CCT6B: variants seen among roughly 807,000 people sequenced by gnomAD.
CCT6B encodes the protein probable T-complex protein 1 subunit zeta-2.
CCT6B carries 49 observed loss-of-function variants against 61.5 expected under a neutral mutation model. The observed-to-expected ratio is 0.80, with a 90% CI of 0.63 to 1.01. The LOEUF (loss-of-function observed/expected upper bound fraction) is 1.01. Ranked by LOEUF, CCT6B falls within the 50% of genes least tolerant of loss-of-function variation. CCT6B has a pLI of 0.00. For synonymous variants in CCT6B, 228 were observed against 214.5 expected (o/e 1.06, Z -0.55); for missense variants, 666 against 634.7 (o/e 1.05, Z -0.53).
chr17:34,953,390 G>A (rs1462866459), intron 4 of CCT6B, among the ~76,000 whole-genome samples: 4 of 149,960 alleles, frequency 2.7e-5, no homozygotes, highest in African/African-American at 9.8e-5. Context: ...GAGTGCAATG[G>A]CATGATGTCA....
chr17:34,928,580 AC>A (rs1244492704), intron 13 of CCT6B, among the ~76,000 whole-genome samples: 1 of 152,074 alleles, frequency 6.6e-6, no homozygotes, highest in African/African-American at 2.4e-5. Flanking sequence ...CCCAAATGTC[AC>A]CCTTTGTATT....
At chr17:34,955,790 C>A (rs1385971520) in intron 3 of CCT6B, among the ~76,000 whole-genome samples, 1 of 152,118 alleles carries the variant, frequency 6.6e-6, no homozygotes, top group Non-Finnish European at 1.5e-5. Flanking sequence ...CTAGCCACAT[C>A]ATGAAGTGGG....
At chr17:34,932,553 G>C (rs2090048630) in intron 10 of CCT6B, 53 bp from the exon 11 acceptor site, 4 of 1,515,072 alleles carry the variant, frequency 2.6e-6, no homozygotes, top group Non-Finnish European at 3.6e-6. Flanking sequence ...GACCAAAAGA[G>C]AGAGAGAGAC....
At chr17:34,939,495 A>C in intron 9 of CCT6B, 122 bp downstream of exon 9, 1 of 838,522 alleles carries the variant, frequency 1.2e-6, no homozygotes, top group South Asian at 1.8e-5. Flanking sequence ...ATAAACTGTA[A>C]AATCTGTTCT....
At chr17:34,931,105 C>T in intron 11 of CCT6B, 54 bp from the exon 12 acceptor site, 4 of 546,290 alleles carry the variant, frequency 7.3e-6, no homozygotes, top group Non-Finnish European at 1.1e-5. Context: ...AATACCTTCA[C>T]ATATATCAAA....
chr17:34,951,361 G>C (rs1597756776), intron 5 of CCT6B, among the ~76,000 whole-genome samples: 1 of 152,134 alleles, frequency 6.6e-6, no homozygotes, highest in South Asian at 2.1e-4. Flanking sequence ...AGGTGGGAGG[G>C]GGAAAGAGGG....
At position 34,935,065 on chromosome 17, in the gene CCT6B, T is replaced by C. The variant is rs765507359; in HGVS notation, c.1214-2565A>G. Among the ~76,000 whole-genome samples, 13 of 152,192 alleles carry C rather than the reference T, an allele frequency of 8.5e-5. 1 individual carries two copies. Among genetic ancestry groups the C allele is most frequent in the Non-Finnish European group, 1.6e-4 (11 of 68,034 alleles). On this transcript the variant is annotated intron_variant, in intron 10 of 13. Coordinates refer to ENST00000314144, the MANE Select transcript of CCT6B (RefSeq NM_006584.4). ...GGTATATACATACAATAGAATATTATTCAATGGTAAAAAGGAAGGAAATTC... is the reference window on the plus strand; with the variant it reads ...GGTATATACATACAATAGAATATTACTCAATGGTAAAAAGGAAGGAAATTC...
intron 11 of CCT6B, among the ~76,000 whole-genome samples, chr17:34,931,734 C>A (rs1331437398): frequency 6.6e-6 from 1 of 152,068 alleles, no homozygotes; most frequent in African/African-American, 2.4e-5. Context: ...TAAAAATTAG[C>A]AAAGAGATTT....
rs756631842 is a variant in CCT6B at position 34,928,045 on chromosome 17, T to C, written c.*3A>G. 1 of 1,603,866 alleles carries C rather than the reference T, an allele frequency of 6.2e-7. No homozygotes were observed. The highest frequency in any genetic ancestry group is 1.7e-5 in the Admixed American group (1 of 58,930). ...CTAGAAGGGTTGATTTTGAATTCAA[T>C]CATCATTTGAGAGAAGACATCCCAG... On this transcript the variant is annotated 3_prime_UTR_variant, in exon 14 of 14. Transcript: ENST00000314144.
chr17:34,938,909 C>T (rs1484684095), intron 10 of CCT6B, among the ~76,000 whole-genome samples: 1 of 152,050 alleles, frequency 6.6e-6, no homozygotes, highest in Non-Finnish European at 1.5e-5. Flanking sequence ...ATGGCGAAAC[C>T]CCATCTCTAC....
intron 10 of CCT6B, among the ~76,000 whole-genome samples, chr17:34,938,046 C>T (rs578135361): frequency 5.3e-5 from 8 of 152,064 alleles, no homozygotes; most frequent in African/African-American, 1.7e-4. Context: ...CAGGCCACCA[C>T]GCCTGGCTAT....
chr17:34,938,444 C>G (rs1229875180), intron 10 of CCT6B, among the ~76,000 whole-genome samples: 1 of 151,936 alleles, frequency 6.6e-6, no homozygotes, highest in Admixed American at 6.6e-5. Context: ...TGGCATGCAC[C>G]TATCGTCCAG....
At chr17:34,928,229 T>C in intron 13 of CCT6B, 112 bp from the exon 14 acceptor site, 1 of 588,372 alleles carries the variant, frequency 1.7e-6, no homozygotes. Context: ...GTTAGTATGA[T>C]GTTTTATGAG....
chr17:34,954,707 T>C (rs894671446), intron 3 of CCT6B, 108 bp from the exon 4 acceptor site: 10 of 801,944 alleles, frequency 1.2e-5, no homozygotes, highest in Admixed American at 6.4e-5. Context: ...ATTAATGCCA[T>C]GAAATATAAG....
Position 34,961,438 on chromosome 17 carries a change from A to T in CCT6B, c.-45T>A. On this transcript the variant is annotated 5_prime_UTR_variant, in exon 1 of 14. Transcript: ENST00000314144. ...AGAAAAAAAAAAAGCCTTAGTCGCG[A>T]TTCTGAGCAAAAACGGCAATGCGAC... 6.4e-7 allele frequency: 1 copy of T among 1,563,596 alleles called. No homozygotes were observed. Among genetic ancestry groups the T allele is most frequent in the East Asian group, 2.2e-5 (1 of 44,466 alleles).
chr17:34,954,359 A>C (rs1375652146), intron 4 of CCT6B, 67 bp downstream of exon 4: 7 of 1,290,306 alleles, frequency 5.4e-6, no homozygotes, highest in Non-Finnish European at 7.5e-6. Context: ...ATTATCTTAC[A>C]GAAAAAGAAA....
chr17:34,930,194 C>T (rs1045110118), intron 12 of CCT6B, among the ~76,000 whole-genome samples: 1 of 152,164 alleles, frequency 6.6e-6, no homozygotes, highest in African/African-American at 2.4e-5. Flanking sequence ...ATTGCTTGAA[C>T]CTGGGAGGCA....
chr17:34,934,890 C>A (rs527893449), intron 10 of CCT6B, among the ~76,000 whole-genome samples: 2 of 152,072 alleles, frequency 1.3e-5, no homozygotes, highest in Non-Finnish European at 2.9e-5. Flanking sequence ...CAGACCAATA[C>A]CCCTTATGAA....
At chr17:34,951,033 T>C (rs1215072073) in intron 5 of CCT6B, among the ~76,000 whole-genome samples, 1 of 151,628 alleles carries the variant, frequency 6.6e-6, no homozygotes, top group Admixed American at 6.6e-5. Flanking sequence ...CCAAAATAAT[T>C]ATCAAGGTGA....
Sources: allele counts gnomAD v4.1 joint callset (sites outside exome capture counted in the v4.1 genomes callset), GRCh38; gene constraint gnomAD v4.1.1; transcripts MANE v1.5; gene names NCBI Gene and HGNC (gene_info 2026-07-23, HGNC 2026-07-21).